Variants in PLEKHG1 observed in about 807,000 individuals in gnomAD.
The protein encoded by PLEKHG1 is pleckstrin homology domain-containing family G member 1.
A neutral mutation model predicts 100.8 loss-of-function variants in PLEKHG1; 44 were observed. The ratio of observed to expected loss-of-function variants is 0.44; its 90% CI spans 0.34 to 0.56. The LOEUF is 0.56. Among genes scored for constraint, PLEKHG1 ranks in the 20% least tolerant of loss-of-function variants. PLEKHG1 has a pLI of 0.01. For missense variants in PLEKHG1, 1,545 were observed against 1,720.9 expected (o/e 0.90, Z 1.81); for synonymous variants, 640 against 662.5 (o/e 0.97, Z 0.52).
rs1158021544 is a variant in PLEKHG1 at position 150,683,856 on chromosome 6, G to A, written c.-99+33070G>A. On this transcript the variant is annotated intron_variant, in intron 3 of 3. Coordinates refer to the PLEKHG1 transcript ENST00000367326. This position sits in a 1 kb window ranked among gnomAD's most constrained non-coding sequence, Gnocchi z 4.0. ...AAGCATCACAGGCGAGTGAAATATG[G>A]GAATATTGAAGGGGCCTGGGATGGA... 1.6e-6 allele frequency: 2 copies of A among 1,279,242 alleles called. No homozygotes were observed. The highest frequency in any genetic ancestry group is 1.5e-5 in the African/African-American group (1 of 65,424). 79.2% of individuals were successfully genotyped at this position (1,279,242 alleles called of 1,614,324 possible). A position where few individuals can be genotyped will look rare whatever the true frequency, so the allele number is the denominator to read the frequency against.
chr6:150,643,300 A>G (rs997363990), intron 2 of PLEKHG1, among the ~76,000 whole-genome samples: 5 of 152,170 alleles, frequency 3.3e-5, no homozygotes, highest in Admixed American at 2.0e-4. Context: ...CCTTTTTAAA[A>G]GCTCACAGTC....
chr6:150,694,707 AAAAAT>A (rs1780479536), intron 3 of PLEKHG1, among the ~76,000 whole-genome samples: 3 of 151,358 alleles, frequency 2.0e-5, no homozygotes, highest in South Asian at 2.1e-4. Flanking sequence ...CAAAAAAAAA[AAAAAT>A]AAAAATAAAA....
intron 10 of PLEKHG1, 121 bp from the exon 12 acceptor site, chr6:150,818,062 A>G (rs1209044694): frequency 1.3e-6 from 1 of 797,624 alleles, no homozygotes; most frequent in Non-Finnish European, 2.1e-6. Context: ...TAACATAAAT[A>G]GCGAGTTTTT....
rs1776682797 is a variant in PLEKHG1, at chr6:150,827,550, A to G, written c.1471-3032A>G. Reference sequence around the variant, plus strand: ...CTCTGCCTTCCAAAGTGCTGGGATTACAGGCGTGAGCCACTGTGCCTGGCC... The same window carrying G: ...CTCTGCCTTCCAAAGTGCTGGGATTGCAGGCGTGAGCCACTGTGCCTGGCC... On this transcript the variant is annotated intron_variant, in intron 14 of 15. Transcript: ENST00000358517. 6.6e-6 allele frequency: 4 copies of G among 609,386 alleles called. No individual in the cohort carries two copies. The East Asian group carries it at 1.2e-4, about 18-fold the overall frequency. 37.7% of individuals were successfully genotyped at this position (609,386 alleles called of 1,614,324 possible).
chr6:150,689,300 C>T (rs1281537578), intron 3 of PLEKHG1, among the ~76,000 whole-genome samples: 2 of 152,126 alleles, frequency 1.3e-5, no homozygotes, highest in East Asian at 3.8e-4. Context: ...GAATTTCCAA[C>T]CTGGTCATGA....
rs563054657 is a variant in PLEKHG1 at position 150,817,157 on chromosome 6, G to A, written c.1279-1026G>A. 2.0e-5 allele frequency among the ~76,000 whole-genome samples: 3 copies of A among 152,330 alleles called. No homozygotes were observed. In the South Asian group the frequency reaches 6.2e-4, roughly 32 times the overall value. On this transcript the variant is annotated intron_variant, in intron 10 of 15. Transcript: ENST00000358517. ...CTAGGAGAGTGGGTGGAACTCACCAGTTGAGCTGATCATTGAATCCTAATG... is the reference window on the plus strand; with the variant it reads ...CTAGGAGAGTGGGTGGAACTCACCAATTGAGCTGATCATTGAATCCTAATG...
chr6:150,698,242 G>A (rs1780625574), intron 3 of PLEKHG1, among the ~76,000 whole-genome samples: 1 of 152,160 alleles, frequency 6.6e-6, no homozygotes, highest in South Asian at 2.1e-4. Flanking sequence ...TTTTTGTTAA[G>A]TACTTACATG....
At chr6:150,830,668 G>A in exon 15 of PLEKHG1, 1 of 1,614,138 alleles carries the variant, frequency 6.2e-7, no homozygotes, top group African/African-American at 1.3e-5. Context: ...GTTCTACCAT[G>A]ATCAGCGTGC....
At position 150,840,578 on chromosome 6, in the gene PLEKHG1, T is replaced by A. The variant is rs115581743; in HGVS notation, c.3840T>A (p.Tyr1280Ter). The change falls in exon 16 of 16, where the codon TAT becomes TAA. Residue 1280 changes from tyrosine (Y) to a stop codon, truncating the protein, a stop_gained. Transcript: ENST00000358517. LOFTEE classifies it low-confidence loss of function (END_TRUNC). ...AGACTGATGGAGATGAAGATGACTATGTGGAAATCAAGTCAGAAGAAGATG... is the reference window on the plus strand; with the variant it reads ...AGACTGATGGAGATGAAGATGACTAAGTGGAAATCAAGTCAGAAGAAGATG... 1.2e-6 allele frequency: 2 copies of A among 1,614,052 alleles called. No individual in the cohort carries two copies. Among genetic ancestry groups the A allele is most frequent in the African/African-American group, 1.3e-5 (1 of 74,926 alleles).
intron 3 of PLEKHG1, among the ~76,000 whole-genome samples, chr6:150,658,180 G>A (rs1033022803): frequency 2.6e-5 from 4 of 152,138 alleles, no homozygotes; most frequent in African/African-American, 9.7e-5. Context: ...TCAGAAGTCT[G>A]TGTTTTATTG....
intron 15 of PLEKHG1, among the ~76,000 whole-genome samples, chr6:150,835,403 G>A (rs1158719130): frequency 6.6e-6 from 1 of 152,124 alleles, no homozygotes. Flanking sequence ...AGCAACATCA[G>A]AAACATTTAT....
At chr6:150,808,905 C>G (rs1787311185) in intron 7 of PLEKHG1, among the ~76,000 whole-genome samples, 200 bp from the exon 9 acceptor site, 1 of 152,200 alleles carries the variant, frequency 6.6e-6, no homozygotes, top group South Asian at 2.1e-4. Flanking sequence ...CAGCTAACAG[C>G]CTGATTCATT....
At chr6:150,653,406 C>G (rs967077366) in intron 3 of PLEKHG1, among the ~76,000 whole-genome samples, 9 of 151,838 alleles carry the variant, frequency 5.9e-5, no homozygotes, top group Non-Finnish European at 1.0e-4. Context: ...GCTCACCCCC[C>G]ACGTGTATGT....
intron 10 of PLEKHG1, among the ~76,000 whole-genome samples, chr6:150,813,933 T>C (rs1787700850): frequency 6.6e-6 from 1 of 151,892 alleles, no homozygotes. Flanking sequence ...ATCATGAAAA[T>C]TGAACTGGGT....
chr6:150,840,427 A>T, exon 16 of PLEKHG1: 3 of 1,614,196 alleles, frequency 1.9e-6, no homozygotes, highest in African/African-American at 1.3e-5. Context: ...GCTGACTCGC[A>T]TCAACAGGGC....
rs1583089175 is a variant in PLEKHG1 at position 150,768,559 on chromosome 6, GA to G, written c.412-76del. On this transcript the variant is annotated intron_variant, in intron 2 of 15. Coordinates refer to ENST00000358517, the Ensembl canonical transcript of PLEKHG1. ...TAAAATAATTACTTGAAACAGATAT[GA>G]AAGATGCACTGGGCATAATTAAAGA... The G allele has an allele frequency of 9.1e-6, 7 of 768,082 alleles. No homozygotes were observed. The East Asian group carries it at 1.8e-4, about 20-fold the overall frequency. 47.6% of individuals were successfully genotyped at this position (768,082 alleles called of 1,614,324 possible).
At chr6:150,736,223 C>A (rs1412547306) in intron 2 of PLEKHG1, among the ~76,000 whole-genome samples, 2 of 152,194 alleles carry the variant, frequency 1.3e-5, no homozygotes, top group East Asian at 1.9e-4. Context: ...AGTTTGCTCA[C>A]CCCTGTCTTA....
chr6:150,656,822 C>A (rs62434111), intron 3 of PLEKHG1, among the ~76,000 whole-genome samples: 12,782 of 152,188 alleles, frequency 0.084, 619 homozygotes, highest in South Asian at 0.17. Flanking sequence ...TAATTGCATT[C>A]TGCCCCTGTT....
intron 3 of PLEKHG1, among the ~76,000 whole-genome samples, chr6:150,677,717 G>A (rs75866538): frequency 0.12 from 17,928 of 151,716 alleles, 1,254 homozygotes; most frequent in African/African-American, 0.2. Flanking sequence ...AAAAGAAAAA[G>A]AAAGTTTAAA....
Sources: gnomAD v4.1 joint callset for allele counts (sites outside exome capture counted in the v4.1 genomes callset) on GRCh38, gnomAD v4.1.1 for gene constraint, Gnocchi (gnomAD v3.1) non-coding constraint, MANE v1.5 for transcripts, NCBI Gene and HGNC (gene_info 2026-07-23, HGNC 2026-07-21) for gene names.